The following STAB1 variants were observed in gnomAD, a reference collection of about 807,000 sequenced individuals.
STAB1 encodes stabilin-1.
Under a neutral mutation model 332.4 loss-of-function variants are expected in STAB1, and 250 were observed. The observed-to-expected ratio is 0.75, with a 90% CI of 0.68 to 0.84. The LOEUF (loss-of-function observed/expected upper bound fraction) is 0.84, where lower values mean the gene tolerates loss of function less well. Ranked by LOEUF, STAB1 falls within the 40% of genes least tolerant of loss-of-function variation. The pLI is 0.00. For missense variants in STAB1, 3,249 were observed against 3,489.7 expected (o/e 0.93, Z 1.74); for synonymous variants, 1,475 against 1,390.4 (o/e 1.06, Z -1.35).
At position 52,509,265 on chromosome 3, in the gene STAB1, G is replaced by GCAT; in HGVS notation, c.2293_2295dup (p.Ile765dup). 2.5e-6 allele frequency: 4 copies of GCAT among 1,613,414 alleles called. No individual in the cohort carries two copies. The highest frequency in any genetic ancestry group is 2.2e-5 in the South Asian group (2 of 91,082). On this transcript the variant is annotated inframe_insertion, in exon 22 of 69. Coordinates refer to ENST00000321725, the MANE Select transcript of STAB1 (RefSeq NM_015136.3). ...TGCCTCTGCTTCCCAGACTACAAGG[G>GCAT]CATCGCCTGCCACATCTGCTCGAAC...
chr3:52,521,280 C>T lies in STAB1; in HGVS notation c.5909-81C>T, dbSNP rs2079063178. 1.9e-6 allele frequency: 3 copies of T among 1,582,002 alleles called. 1 individual carries two copies. Among genetic ancestry groups the T allele is most frequent in the South Asian group, 2.2e-5 (2 of 89,278 alleles). On this transcript the variant is annotated intron_variant, in intron 55 of 68. Coordinates refer to ENST00000321725, the MANE Select transcript of STAB1 (RefSeq NM_015136.3). Reference sequence around the variant, plus strand: ...GCGGACATAGGTCAGGGACAGATGGCAGGGCTAGGCTGGAGGTACGTATAT... The same window carrying T: ...GCGGACATAGGTCAGGGACAGATGGTAGGGCTAGGCTGGAGGTACGTATAT...
intron 1 of STAB1, among the ~76,000 whole-genome samples, chr3:52,497,146 G>A (rs150203123): frequency 1.6e-4 from 24 of 151,752 alleles, no homozygotes; most frequent in African/African-American, 2.2e-4. Flanking sequence ...GATTACAGGC[G>A]CCCGCCACCA....
chr3:52,507,623 T>C lies in STAB1; in HGVS notation c.2000T>C (p.Val667Ala). 1 of 1,613,656 alleles carries C rather than the reference T, an allele frequency of 6.2e-7. No homozygotes were observed. Among genetic ancestry groups the C allele is most frequent in the Non-Finnish European group, 8.5e-7 (1 of 1,179,972 alleles). ...CCCTGCCCTGCCCAGGGCTCCTGTG[T>C]GGACTGCCAAGCCCTGAACACCAGC... is the stretch of plus-strand genomic sequence containing the variant. ...EQHKIVAGSC[V>A]DCQALNTSTC... The change falls in exon 19 of 69, where the codon GTG (valine) becomes GCG (alanine). Residue 667 changes from valine to alanine, a missense_variant. Val to Ala is a moderately conservative substitution (Grantham distance 64, BLOSUM62 0). Coordinates refer to ENST00000321725, the MANE Select transcript of STAB1 (RefSeq NM_015136.3).
At position 52,524,433 on chromosome 3, in the gene STAB1, A is replaced by G. The variant is rs1575380267; in HGVS notation, c.*77A>G. 6.2e-7 allele frequency: 1 copy of G among 1,611,918 alleles called. No homozygotes were observed. The highest frequency in any genetic ancestry group is 1.1e-5 in the South Asian group (1 of 91,072). ...TGCTTGTCTGGGTGGATGGGGCAGG[A>G]GGGGCTGAGGGCCTGTCCCAGACAA... On this transcript the variant is annotated 3_prime_UTR_variant, in exon 69 of 69. Coordinates refer to ENST00000321725, the MANE Select transcript of STAB1 (RefSeq NM_015136.3).
chr3:52,518,786 C>G lies in STAB1; in HGVS notation c.4951C>G (p.Arg1651Gly). 6.2e-7 allele frequency: 1 copy of G among 1,612,238 alleles called. No individual in the cohort carries two copies. The highest frequency in any genetic ancestry group is 8.5e-7 in the Non-Finnish European group (1 of 1,179,782). ...GTTTCGCTACCACGTGGTTGGCTGT[C>G]GGCGGCTGCGGAGCGAGGACCTGCT... ...LVFRYHVVGC[R>G]RLRSEDLLEQ... The change falls in exon 48 of 69, where the codon CGG (arginine) becomes GGG (glycine). Residue 1651 changes from arginine to glycine, a missense_variant. Transcript: ENST00000321725.
rs1162221304 is a variant in STAB1, at chr3:52,517,023, CTCA to C, written c.4405_4407del (p.His1469del). The C allele has an allele frequency of 2.5e-6, 4 of 1,608,348 alleles. No individual in the cohort carries two copies. The highest frequency in any genetic ancestry group is 1.7e-5 in the Admixed American group (1 of 59,326). ...GCCCACGGCCATGGGGGCTGCTCCC[CTCA>C]TGCCAACTGTACCAAGGTGGCACCT... On this transcript the variant is annotated inframe_deletion, in exon 42 of 69. Coordinates refer to ENST00000321725, the MANE Select transcript of STAB1 (RefSeq NM_015136.3).
chr3:52,518,496 G>A, intron 46 of STAB1, 40 bp from the exon 47 acceptor site: 2 of 1,564,868 alleles, frequency 1.3e-6, no homozygotes, highest in Non-Finnish European at 1.7e-6. Context: ...GACGCCTCAG[G>A]CTTCTCCCAT....
Position 52,504,991 on chromosome 3 carries a change from G to T in STAB1, c.1378-12G>T. The T allele has an allele frequency of 6.2e-7, 1 of 1,613,644 alleles. No homozygotes were observed. Among genetic ancestry groups the T allele is most frequent in the East Asian group, 2.2e-5 (1 of 44,884 alleles). ...CATATGGGATCTGGCCAGACCTCTT[G>T]TGTCTCACCAGAAATACTCCTACAA... is the stretch of plus-strand genomic sequence containing the variant. On this transcript the variant is annotated splice_polypyrimidine_tract_variant and intron_variant, in intron 12 of 68. Transcript: ENST00000321725.
rs752987636 is a variant in STAB1, at chr3:52,521,384, C to T, written c.5932C>T (p.Pro1978Ser). Reference sequence around the variant, plus strand: ...AGCTTGCCCTGGCGGCCCCAGCAGCCCTTGTAGTGACCGTGGCGTGTGCAT... The same window carrying T: ...AGCTTGCCCTGGCGGCCCCAGCAGCTCTTGTAGTGACCGTGGCGTGTGCAT... ...CQACPGGPSSPCSDRGVCMDG... is the reference protein window; with the variant it reads ...CQACPGGPSSSCSDRGVCMDG... Residue 1978 changes from proline to serine, a missense_variant, in exon 56 of 69, where the codon CCT (proline) becomes TCT (serine). Coordinates refer to ENST00000321725, the MANE Select transcript of STAB1 (RefSeq NM_015136.3). The T allele has an allele frequency of 6.2e-6, 10 of 1,613,956 alleles. No homozygotes were observed. The highest frequency in any genetic ancestry group is 1.7e-4 in the Middle Eastern group (1 of 6,058).
rs781557231 is a variant in STAB1 at position 52,523,883 on chromosome 3, G to A, written c.7408G>A (p.Ala2470Thr). ...LAPPQPQAVL[A>T]PEAPPVAAGV... ...TGTTTGTTTGTAGCAGGCAGTGCTG[G>A]CGCCTGAAGCCCCACCTGTGGCGGC... is the stretch of plus-strand genomic sequence containing the variant. Residue 2470 changes from alanine to threonine, a missense_variant, in exon 67 of 69, where the codon GCG (alanine) becomes ACG (threonine). Physicochemically the swap from Ala to Thr is moderately conservative, Grantham distance 58 (BLOSUM62 0). Transcript: ENST00000321725. 1 of 1,603,502 alleles carries A rather than the reference G, an allele frequency of 6.2e-7. No individual in the cohort carries two copies. The highest frequency in any genetic ancestry group is 1.7e-5 in the Admixed American group (1 of 59,830).
chr3:52,516,885 C>T, intron 41 of STAB1, 99 bp from the exon 42 acceptor site: 1 of 1,597,848 alleles, frequency 6.3e-7, no homozygotes, highest in South Asian at 1.1e-5. Flanking sequence ...CAGGACTCAC[C>T]CTTCCCTCTG....
At chr3:52,502,861 C>A in intron 6 of STAB1, 134 bp downstream of exon 6, 1 of 1,222,268 alleles carries the variant, frequency 8.2e-7, no homozygotes, top group Non-Finnish European at 1.1e-6. Context: ...GGGGTGTCAT[C>A]TGAGACCTCC....
chr3:52,507,885 G>A, intron 19 of STAB1, 46 bp from the exon 20 acceptor site: 1 of 1,583,104 alleles, frequency 6.3e-7, no homozygotes, highest in Non-Finnish European at 8.7e-7. Flanking sequence ...AAAGGGGCTG[G>A]CCCAGAACCC....
In STAB1 at chr3:52,521,631, G is replaced by C; in HGVS notation, c.6094G>C (p.Gly2032Arg). 2 of 1,613,110 alleles carry C rather than the reference G, an allele frequency of 1.2e-6. No homozygotes were observed. The highest frequency in any genetic ancestry group is 1.3e-5 in the African/African-American group (1 of 75,060). ...CACTGTGCATGGCCGCTGTGATGAG[G>C]GCCTTGGGGGCTCTGGCTCCTGCTT... ...RCTVHGRCDE[G>R]LGGSGSCFCD... is the part of the protein sequence containing the mutation. The change falls in exon 57 of 69, where the codon GGC becomes CGC. Residue 2032 changes from glycine to arginine, a missense_variant. By Grantham distance (125) the Gly-to-Arg change is moderately radical (BLOSUM62 -2). Transcript: ENST00000321725.
At chr3:52,513,688 T>G in intron 30 of STAB1, 29 bp from the exon 31 acceptor site, 1 of 1,606,584 alleles carries the variant, frequency 6.2e-7, no homozygotes, top group Non-Finnish European at 8.5e-7. Flanking sequence ...TGTGCCCACC[T>G]GTGGCTAAGC....
In STAB1 at chr3:52,517,640, C is replaced by T; in HGVS notation, c.4638+16C>T. 1 of 1,610,810 alleles carries T rather than the reference C, an allele frequency of 6.2e-7. No homozygotes were observed. The highest frequency in any genetic ancestry group is 8.5e-7 in the Non-Finnish European group (1 of 1,179,020). On this transcript the variant is annotated intron_variant, in intron 44 of 68. Coordinates refer to ENST00000321725, the MANE Select transcript of STAB1 (RefSeq NM_015136.3). ...CTGCTCTAAGGTCAGGACCCTAGTC[C>T]TGTCCTCCTTCACTGACGAGAAGGA... is the stretch of plus-strand genomic sequence containing the variant.
chr3:52,505,600 G>T (rs149842457), intron 14 of STAB1, 68 bp from the exon 15 acceptor site: 6 of 1,501,702 alleles, frequency 4.0e-6, no homozygotes, highest in Non-Finnish European at 5.5e-6. Context: ...AAGGTGGCAG[G>T]GCCCAGGCAG....
rs71297401 is a variant in STAB1 at position 52,524,296 on chromosome 3, C to G, written c.7657-4C>G. ...ACCCTCCACCACCAACCCTGCTCTT[C>G]TAGGACTCACTGCTGGAGGAGGACT... On this transcript the variant is annotated splice_region_variant and splice_polypyrimidine_tract_variant and intron_variant, in intron 68 of 68. Transcript: ENST00000321725. 6.2e-7 allele frequency: 1 copy of G among 1,613,946 alleles called. No individual in the cohort carries two copies. The highest frequency in any genetic ancestry group is 8.5e-7 in the Non-Finnish European group (1 of 1,179,988).
chr3:52,501,913 G>A (rs1440809055), intron 3 of STAB1, 93 bp from the exon 4 acceptor site: 36 of 1,516,934 alleles, frequency 2.4e-5, no homozygotes, highest in African/African-American at 4.1e-5. Flanking sequence ...GCTTCCTTGG[G>A]GGAGGGGCCG....
Sources: allele counts gnomAD v4.1 joint callset (sites outside exome capture counted in the v4.1 genomes callset), GRCh38; gene constraint gnomAD v4.1.1; transcripts MANE v1.5; gene names NCBI Gene and HGNC (gene_info 2026-07-23, HGNC 2026-07-21).